Variants in ALK observed in about 807,000 individuals in gnomAD.
ALK encodes ALK receptor tyrosine kinase.
Under a neutral mutation model 163.1 loss-of-function variants are expected in ALK, and 74 were observed. The observed-to-expected ratio is 0.45, with a 90% confidence interval of 0.38 to 0.55. The LOEUF is 0.55. Ranked by LOEUF, ALK falls within the 20% of genes least tolerant of loss-of-function variation. ALK has a pLI of 0.00. For synonymous variants in ALK, 960 were observed against 843.2 expected, an observed-to-expected ratio of 1.14 and a Z score of -2.40; for missense variants, 2,063 against 2,105.3, an observed-to-expected ratio of 0.98 and a Z score of 0.39.
intron 28 of ALK, among the ~76,000 whole-genome samples, chr2:29,196,380 TA>T (rs1669023304): frequency 1.3e-5 from 2 of 152,250 alleles, no homozygotes; most frequent in African/African-American, 4.8e-5. Context: ...TATATGCAAT[TA>T]ATTACTTCAC....
intron 1 of ALK, among the ~76,000 whole-genome samples, chr2:29,724,817 T>A (rs926254352): frequency 6.6e-6 from 1 of 152,160 alleles, no homozygotes; most frequent in African/African-American, 2.4e-5. Flanking sequence ...TTGGATGGAA[T>A]TAAACAGCTC....
rs1385160727 is a variant in ALK, at chr2:29,461,292, T to A, written c.1154+70623A>T. Among the ~76,000 whole-genome samples, 5 of 152,212 alleles carry A rather than the reference T, an allele frequency of 3.3e-5. No individual in the cohort carries two copies. In the East Asian group the frequency reaches 9.6e-4, roughly 29 times the overall value. On this transcript the variant is annotated intron_variant, in intron 4 of 28. Transcript: ENST00000389048. Reference sequence around the variant, plus strand: ...AGCTGCAGCAAGTTATCTAGAGATCTAGGTAAGATCACTGATGAAAGTGGC... The same window carrying A: ...AGCTGCAGCAAGTTATCTAGAGATCAAGGTAAGATCACTGATGAAAGTGGC...
At chr2:29,824,973 C>T (rs1482029023) in intron 1 of ALK, among the ~76,000 whole-genome samples, 1 of 152,100 alleles carries the variant, frequency 6.6e-6, no homozygotes, top group Admixed American at 6.5e-5. Flanking sequence ...GTGGGAAGGA[C>T]CTGGTGGGAA....
chr2:29,356,198 C>T (rs1487018902), intron 5 of ALK, among the ~76,000 whole-genome samples: 1 of 152,144 alleles, frequency 6.6e-6, no homozygotes, highest in Non-Finnish European at 1.5e-5. Context: ...CTGACGTTTC[C>T]TGAGGACTAT....
intron 11 of ALK, among the ~76,000 whole-genome samples, chr2:29,251,836 T>C (rs547375295): frequency 6.6e-6 from 1 of 152,306 alleles, no homozygotes; most frequent in South Asian, 2.1e-4. Context: ...GATGCTACAT[T>C]GGCTCAGGGA....
chr2:29,390,611 A>G (rs1014333136), intron 4 of ALK, among the ~76,000 whole-genome samples: 2 of 152,110 alleles, frequency 1.3e-5, no homozygotes, highest in African/African-American at 4.8e-5. Context: ...TCTCTCTCTA[A>G]TCTTATCCTA....
At chr2:29,289,969 C>T (rs1171100870) in intron 9 of ALK, among the ~76,000 whole-genome samples, 1 of 152,210 alleles carries the variant, frequency 6.6e-6, no homozygotes, top group Non-Finnish European at 1.5e-5. Context: ...TCCCGCCAGC[C>T]TCCCTAATTA....
chr2:29,479,942 T>C (rs11889840), intron 4 of ALK, among the ~76,000 whole-genome samples: 49,086 of 152,072 alleles, frequency 0.32, 8,696 homozygotes, highest in African/African-American at 0.46. Flanking sequence ...GACACATAAC[T>C]CAAAGTTGTT....
intron 3 of ALK, among the ~76,000 whole-genome samples, chr2:29,644,944 G>A (rs996771594): frequency 6.6e-6 from 1 of 151,986 alleles, no homozygotes; most frequent in Non-Finnish European, 1.5e-5. Flanking sequence ...ACTGGCTCTG[G>A]GTGCAAGGAC....
At chr2:29,775,353 G>A (rs1220155140) in intron 1 of ALK, among the ~76,000 whole-genome samples, 1 of 152,126 alleles carries the variant, frequency 6.6e-6, no homozygotes, top group Non-Finnish European at 1.5e-5. Context: ...CAAAACACCT[G>A]ACAGTCTTGT....
intron 8 of ALK, among the ~76,000 whole-genome samples, chr2:29,300,168 G>C (rs1016723206): frequency 5.3e-5 from 8 of 151,972 alleles, no homozygotes; most frequent in African/African-American, 1.9e-4. Flanking sequence ...CTAAGAGGGA[G>C]GTAAATAGAC....
intron 5 of ALK, among the ~76,000 whole-genome samples, chr2:29,353,266 C>T (rs1668162692): frequency 6.6e-6 from 1 of 152,206 alleles, no homozygotes; most frequent in Non-Finnish European, 1.5e-5. Flanking sequence ...CCATCAGGCC[C>T]TGCCTGTGCT....
chr2:29,243,719 A>G (rs758933215), intron 12 of ALK, among the ~76,000 whole-genome samples: 1 of 152,216 alleles, frequency 6.6e-6, no homozygotes, highest in Non-Finnish European at 1.5e-5. Context: ...TCATGCTATG[A>G]TAATAGCCTC....
At chr2:29,599,161 A>C (rs1190217715) in intron 3 of ALK, among the ~76,000 whole-genome samples, 14 of 151,706 alleles carry the variant, frequency 9.2e-5, no homozygotes, top group Non-Finnish European at 1.3e-4. Context: ...CCTGACAATA[A>C]AATTCACTTA....
At chr2:29,747,751 G>A (rs1680242004) in intron 1 of ALK, among the ~76,000 whole-genome samples, 1 of 152,130 alleles carries the variant, frequency 6.6e-6, no homozygotes, top group South Asian at 2.1e-4. Flanking sequence ...TTCCTAGAAA[G>A]CCCCTCCCCC....
chr2:29,316,441 C>T (rs1201553642), intron 8 of ALK, among the ~76,000 whole-genome samples: 1 of 151,858 alleles, frequency 6.6e-6, no homozygotes, highest in Non-Finnish European at 1.5e-5. Context: ...ATAAAACAGG[C>T]CAGTAAAACG....
intron 1 of ALK, among the ~76,000 whole-genome samples, chr2:29,876,777 ATGATGGTGG>A (rs1666733992): frequency 1.3e-5 from 2 of 151,270 alleles, no homozygotes; most frequent in African/African-American, 4.9e-5. Context: ...GATGATGGTG[ATGATGGTGG>A]TGATAATGAT....
intron 3 of ALK, among the ~76,000 whole-genome samples, chr2:29,685,777 T>C (rs2148282455): frequency 6.6e-6 from 1 of 152,372 alleles, no homozygotes; most frequent in South Asian, 2.1e-4. Context: ...CTTTTGGTTC[T>C]GCAGGTAAGA....
chr2:29,821,301 C>T (rs530849255), intron 1 of ALK, among the ~76,000 whole-genome samples: 24 of 152,202 alleles, frequency 1.6e-4, no homozygotes, highest in Admixed American at 3.3e-4. Flanking sequence ...GGGGAGACTG[C>T]TTCTCTCTCA....
Sources: allele counts gnomAD v4.1 joint callset (sites outside exome capture counted in the v4.1 genomes callset), GRCh38; gene constraint gnomAD v4.1.1; transcripts MANE v1.5; gene names NCBI Gene and HGNC (gene_info 2026-07-23, HGNC 2026-07-21).